The following MAP3K9 variants were observed in gnomAD, a reference collection of about 807,000 sequenced individuals.
MAP3K9 encodes mixed lineage kinase 1 (tyr and ser/thr specificity).
A neutral mutation model predicts 95.8 loss-of-function variants in MAP3K9; 46 were observed. The observed-to-expected ratio is 0.48, with a 90% CI of 0.38 to 0.61. MAP3K9 has a LOEUF of 0.61. Ranked by LOEUF, MAP3K9 falls within the 20% of genes least tolerant of loss-of-function variation. The probability of loss-of-function intolerance (pLI) is 0.00; values close to 1 mark genes in which losing one functional copy is unlikely to be tolerated. For missense variants in MAP3K9, 1,296 were observed against 1,474.3 expected, an observed-to-expected ratio of 0.88 and a Z score of 1.98; for synonymous variants, 533 against 593.8, an observed-to-expected ratio of 0.90 and a Z score of 1.49.
Position 70,809,130 on chromosome 14 carries a change from G to A in MAP3K9, c.42C>T (p.Ala14=), listed in dbSNP as rs765228771. 1.0e-5 allele frequency: 14 copies of A among 1,380,830 alleles called. No homozygotes were observed. Among genetic ancestry groups the A allele is most frequent in the Non-Finnish European group, 1.1e-5 (12 of 1,076,150 alleles). 85.5% of individuals were successfully genotyped at this position (1,380,830 alleles called of 1,614,324 possible). A position where few individuals can be genotyped will look rare whatever the true frequency, so the allele number is the denominator to read the frequency against. ...SRALLGCLAS[A]AAAAPPGEDG... ...CCTCCCCCGGCGGGGCGGCAGCGGC[G>A]GCGCTCGCTAGGCAGCCGAGAAGCG... is the stretch of plus-strand genomic sequence containing the variant. Residue 14 remains alanine (A), a synonymous_variant, in exon 1 of 12, where the codon GCC becomes GCT. Transcript: ENST00000554752.
chr14:70,781,638 C>G (rs1329258964), intron 2 of MAP3K9, among the ~76,000 whole-genome samples: 1 of 152,148 alleles, frequency 6.6e-6, no homozygotes, highest in Non-Finnish European at 1.5e-5. Context: ...TGAGCATTTA[C>G]TTTGTGCCAG....
At chr14:70,788,048 C>T (rs1167313870) in intron 2 of MAP3K9, among the ~76,000 whole-genome samples, 4 of 152,166 alleles carry the variant, frequency 2.6e-5, no homozygotes, top group Non-Finnish European at 5.9e-5. Context: ...GATACTTAAT[C>T]GCATTTGCCT....
chr14:70,756,121 G>A (rs1448181684), intron 3 of MAP3K9, among the ~76,000 whole-genome samples: 2 of 152,094 alleles, frequency 1.3e-5, no homozygotes, highest in African/African-American at 2.4e-5. Flanking sequence ...TTGTTCTTTC[G>A]GTGGAGAAAA....
intron 2 of MAP3K9, among the ~76,000 whole-genome samples, chr14:70,763,262 C>A (rs1342261565): frequency 6.6e-6 from 1 of 152,210 alleles, no homozygotes; most frequent in African/African-American, 2.4e-5. Flanking sequence ...AACAGTCATG[C>A]ACCGCATAAT....
At chr14:70,745,562 A>G (rs2054134781) in intron 5 of MAP3K9, among the ~76,000 whole-genome samples, 1 of 151,910 alleles carries the variant, frequency 6.6e-6, no homozygotes, top group Non-Finnish European at 1.5e-5. Flanking sequence ...TGATAGTGAA[A>G]CCCTGTCTCT....
chr14:70,798,825 C>T (rs1166085176), intron 2 of MAP3K9, among the ~76,000 whole-genome samples: 6 of 151,478 alleles, frequency 4.0e-5, no homozygotes, highest in South Asian at 4.2e-4. Context: ...GGGGGTGGGG[C>T]GGGGATGAAA....
rs549400463 is a variant in MAP3K9, at chr14:70,808,828, C to A, written c.344G>T (p.Ser115Ile). Residue 115 changes from serine to isoleucine, a missense_variant, in exon 1 of 12, where the codon AGC becomes ATC. By Grantham distance (142) the Ser-to-Ile change is moderately radical. Around this residue, in one of 5 missense-constraint regions of MAP3K9, gnomAD observed 338 missense variants for 363.4 expected, o/e 0.93. Transcript: ENST00000554752. The part of the protein sequence containing the change: ...IFPSNYVTPR[S>I]AFSSRCQPGG... ...GGGCTGGCAGCGGCTGGAGAAGGCG[C>A]TGCGCGGGGTCACGTAGTTGCTGGG... is the stretch of plus-strand genomic sequence containing the variant. The A allele has an allele frequency of 2.5e-6, 4 of 1,597,708 alleles. No individual in the cohort carries two copies. The highest frequency in any genetic ancestry group is 3.4e-6 in the Non-Finnish European group (4 of 1,174,848).
intron 2 of MAP3K9, among the ~76,000 whole-genome samples, chr14:70,777,167 G>A (rs2054610968): frequency 6.6e-6 from 1 of 152,126 alleles, no homozygotes; most frequent in African/African-American, 2.4e-5. Context: ...CTAGGGCGCT[G>A]TTGCTTCGAC....
chr14:70,769,036 T>C (rs1387632434), intron 2 of MAP3K9, among the ~76,000 whole-genome samples: 4 of 152,220 alleles, frequency 2.6e-5, no homozygotes, highest in Non-Finnish European at 5.9e-5. Context: ...TTAAAATGTA[T>C]ACATGTAACA....
At chr14:70,757,515 C>A (rs1385455007) in intron 3 of MAP3K9, among the ~76,000 whole-genome samples, 1 of 150,512 alleles carries the variant, frequency 6.6e-6, no homozygotes, top group South Asian at 2.1e-4. Flanking sequence ...GATGCAATTC[C>A]TATCAAAATC....
At chr14:70,755,795 T>C (rs115932361) in intron 3 of MAP3K9, among the ~76,000 whole-genome samples, 1,823 of 152,244 alleles carry the variant, frequency 0.012, 48 homozygotes, top group African/African-American at 0.042. Context: ...GGGAGCAGGG[T>C]GAATTATGTT....
At chr14:70,747,924 C>T (rs1359908162) in intron 5 of MAP3K9, among the ~76,000 whole-genome samples, 1 of 151,894 alleles carries the variant, frequency 6.6e-6, no homozygotes, top group Non-Finnish European at 1.5e-5. Context: ...CTGGCTAACA[C>T]GGTGAAACCC....
At chr14:70,737,822 G>C (rs569101541) in intron 8 of MAP3K9, among the ~76,000 whole-genome samples, 7 of 152,284 alleles carry the variant, frequency 4.6e-5, no homozygotes, top group African/African-American at 1.7e-4. Context: ...TGGGCTACTT[G>C]CTACTCTGAG....
Position 70,726,588 on chromosome 14 carries a change from T to TG in MAP3K9, c.*3791dup, listed in dbSNP as rs374444408. On this transcript the variant is annotated 3_prime_UTR_variant, in exon 12 of 12. Coordinates refer to ENST00000554752, the MANE Select transcript of MAP3K9 (RefSeq NM_001284230.2). ...GGCAGACAGCATCAGACAAGTTAAG[T>TG]GGGGGAATTAGGAAAGAATGCTTGT... 6.6e-6 allele frequency: 1 copy of TG among 152,062 alleles called. No homozygotes were observed. Among genetic ancestry groups the TG allele is most frequent in the Non-Finnish European group, 1.5e-5 (1 of 68,034 alleles). The allele number at this position is 152,062 out of a possible 1,614,324, so 9.4% of individuals were successfully genotyped here. A position where few individuals can be genotyped will look rare whatever the true frequency, so the allele number is the denominator to read the frequency against.
In MAP3K9 at chr14:70,728,991, G is replaced by A. The variant is rs1054072772; in HGVS notation, c.*1389C>T. On this transcript the variant is annotated 3_prime_UTR_variant, in exon 12 of 12. Coordinates refer to ENST00000554752, the MANE Select transcript of MAP3K9 (RefSeq NM_001284230.2). ...GTAGTGGCATGGAGAAGACATACACGAGAAAGCTTTAGAGGAAGCTCAACA... is the reference window on the plus strand; with the variant it reads ...GTAGTGGCATGGAGAAGACATACACAAGAAAGCTTTAGAGGAAGCTCAACA... The A allele has an allele frequency of 3.3e-5, 5 of 152,240 alleles. No individual in the cohort carries two copies. The highest frequency in any genetic ancestry group is 1.2e-4 in the African/African-American group (5 of 41,444). The allele number at this position is 152,240 out of a possible 1,614,324, so 9.4% of individuals were successfully genotyped here.
intron 2 of MAP3K9, among the ~76,000 whole-genome samples, chr14:70,795,388 A>G (rs1279067400): frequency 6.6e-6 from 1 of 152,052 alleles, no homozygotes; most frequent in Non-Finnish European, 1.5e-5. Flanking sequence ...TGCTCACTGC[A>G]GCCTCAACTT....
At position 70,740,170 on chromosome 14, in the gene MAP3K9, T is replaced by C; in HGVS notation, c.1568-6A>G. On this transcript the variant is annotated splice_region_variant and splice_polypyrimidine_tract_variant and intron_variant, in intron 6 of 11. Coordinates refer to ENST00000554752, the MANE Select transcript of MAP3K9 (RefSeq NM_001284230.2). ...CGTGAACTTGTGCTGGAAATCTGCT[T>C]GGGGAAAGACAAACACGTGTATGCA... 2 of 1,612,030 alleles carry C rather than the reference T, an allele frequency of 1.2e-6. No homozygotes were observed. The highest frequency in any genetic ancestry group is 1.7e-6 in the Non-Finnish European group (2 of 1,178,294).
rs766645408 is a variant in MAP3K9, at chr14:70,732,946, G to A, written c.2423C>T (p.Thr808Ile). Residue 808 changes from threonine (T) to isoleucine (I), a missense_variant, in exon 11 of 12, where the codon ACC becomes ATC. This residue lies in a region of MAP3K9 where 433 missense variants were observed against 441.4 expected (regional missense o/e 0.98). Transcript: ENST00000554752. ...FQRSSRPRRSTSPPSRKLFKK... is the reference protein window; with the variant it reads ...FQRSSRPRRSISPPSRKLFKK... The stretch of plus-strand genomic sequence containing the variant: ...GAAAAGCTTTCGGGATGGGGGGCTG[G>A]TGCTCCGACGAGGACGGCTGGACCT... 4.3e-6 allele frequency: 7 copies of A among 1,614,074 alleles called. No individual in the cohort carries two copies. The East Asian group carries it at 1.6e-4, about 36-fold the overall frequency.
intron 6 of MAP3K9, among the ~76,000 whole-genome samples, chr14:70,741,412 C>G (rs906937940): frequency 6.6e-6 from 1 of 152,188 alleles, no homozygotes; most frequent in Non-Finnish European, 1.5e-5. Context: ...TTCTAATAAG[C>G]CTGCTTTCTA....
Sources: allele counts gnomAD v4.1 joint callset (sites outside exome capture counted in the v4.1 genomes callset), GRCh38; gene constraint gnomAD v4.1.1; regional missense constraint gnomAD v4.1.1; transcripts MANE v1.5; gene names NCBI Gene and HGNC (gene_info 2026-07-23, HGNC 2026-07-21).